Variants in DSCAML1 observed in about 807,000 individuals in gnomAD.
DSCAML1 encodes cell adhesion molecule DSCAML1.
In DSCAML1, 38 loss-of-function variants were observed where a neutral mutation model predicts 200.5. That is an observed-to-expected ratio of 0.19 (90% CI 0.15 to 0.25). The LOEUF is 0.25. Among genes scored for constraint, DSCAML1 ranks in the 10% least tolerant of loss-of-function variants. DSCAML1 has a pLI of 1.00. For synonymous variants in DSCAML1, 1,215 were observed against 1,165.0 expected (o/e 1.04, Z -0.87); for missense variants, 2,223 against 2,858.8 (o/e 0.78, Z 5.07).
rs752473054 is a variant in DSCAML1 at position 117,503,984 on chromosome 11, G to T, written c.2220C>A (p.Leu740=). 6.2e-7 allele frequency: 1 copy of T among 1,614,216 alleles called. No individual in the cohort carries two copies. Among genetic ancestry groups the T allele is most frequent in the South Asian group, 1.1e-5 (1 of 91,082 alleles). ...TGGGCAGGATCTGGATGCGGCCAGT[G>T]AGGGGCACAGGGTGGTACTGCTGGG... is the stretch of plus-strand genomic sequence containing the variant. ...GNPQQYHPVP[L]TGRIQILPNS... The change falls in exon 11 of 33, where the codon CTC becomes CTA. Residue 740 remains leucine (L), a synonymous_variant. Coordinates refer to ENST00000651296, the MANE Select transcript of DSCAML1 (RefSeq NM_020693.4). This position sits in a 1 kb window ranked among gnomAD's most constrained non-coding sequence, Gnocchi z 5.2.
intron 21 of DSCAML1, among the ~76,000 whole-genome samples, chr11:117,441,713 A>G (rs2887176): frequency 0.19 from 28,216 of 151,874 alleles, 3,562 homozygotes; most frequent in East Asian, 0.59. Flanking sequence ...GTTCAGGTGC[A>G]TGGCGTGGGG....
rs539451693 is a variant in DSCAML1, at chr11:117,672,303, T to C, written c.511+104488A>G. Among the ~76,000 whole-genome samples, 44 of 152,070 alleles carry C rather than the reference T, an allele frequency of 2.9e-4. No homozygotes were observed. The East Asian group carries it at 8.3e-3, about 29-fold the overall frequency. On this transcript the variant is annotated intron_variant, in intron 3 of 32. Coordinates refer to ENST00000651296, the MANE Select transcript of DSCAML1 (RefSeq NM_020693.4). The stretch of plus-strand genomic sequence containing the variant: ...ACAGAGGGGCAGGCAGTCCCTGTTG[T>C]ATAATTTGGGGTTGGTATTTGACAT...
intron 3 of DSCAML1, among the ~76,000 whole-genome samples, chr11:117,621,173 G>A (rs2051920351): frequency 6.6e-6 from 1 of 152,200 alleles, no homozygotes; most frequent in Admixed American, 6.5e-5. Context: ...AGTCTTTGCT[G>A]AAAGAAGGCT....
At chr11:117,605,269 T>C (rs1384672811) in intron 3 of DSCAML1, among the ~76,000 whole-genome samples, 3 of 152,104 alleles carry the variant, frequency 2.0e-5, no homozygotes, top group Non-Finnish European at 2.9e-5. Flanking sequence ...ACGGCTGGTC[T>C]GACACACATT....
intron 3 of DSCAML1, among the ~76,000 whole-genome samples, chr11:117,638,559 C>T (rs147530268): frequency 2.0e-5 from 3 of 152,212 alleles, no homozygotes; most frequent in South Asian, 2.1e-4. Context: ...CCCATTCCCC[C>T]GGCACTAATC....
Position 117,797,141 on chromosome 11 carries a change from C to G in DSCAML1, c.-62G>C. 6.3e-7 allele frequency: 1 copy of G among 1,590,350 alleles called. No homozygotes were observed. The highest frequency in any genetic ancestry group is 8.5e-7 in the Non-Finnish European group (1 of 1,169,622). ...TGTGGCCGGCCGTGCGGCAGCGCCT[C>G]TCCCCCGCTCAGCGCGCTCCCAGCC... On this transcript the variant is annotated 5_prime_UTR_variant, in exon 1 of 33. Transcript: ENST00000651296.
rs114063355 is a variant in DSCAML1, at chr11:117,754,973, G to A, written c.511+21818C>T. On this transcript the variant is annotated intron_variant, in intron 3 of 32. Coordinates refer to ENST00000651296, the MANE Select transcript of DSCAML1 (RefSeq NM_020693.4). The stretch of plus-strand genomic sequence containing the variant: ...ATCCCTCCCAATCCATGGGGAACTG[G>A]TTACCCCGGCCACAGACAACCTTCT... Among the ~76,000 whole-genome samples, 928 of 152,210 alleles carry A rather than the reference G, an allele frequency of 6.1e-3. 5 individuals carry two copies. Among genetic ancestry groups the A allele is most frequent in the African/African-American group, 0.02 (814 of 41,526 alleles).
chr11:117,749,016 C>T (rs1265551209), intron 3 of DSCAML1, among the ~76,000 whole-genome samples: 1 of 152,162 alleles, frequency 6.6e-6, no homozygotes, highest in Non-Finnish European at 1.5e-5. Flanking sequence ...GACACACGTG[C>T]CTTGCCTGGC....
intron 3 of DSCAML1, among the ~76,000 whole-genome samples, chr11:117,684,714 A>G (rs1253529600): frequency 6.6e-6 from 1 of 152,252 alleles, no homozygotes; most frequent in Non-Finnish European, 1.5e-5. Context: ...TTTTAAGCCA[A>G]GAATGTAAAA....
At chr11:117,433,586 G>C in intron 27 of DSCAML1, 115 bp from the exon 28 acceptor site, 1 of 1,160,794 alleles carries the variant, frequency 8.6e-7, no homozygotes, top group Non-Finnish European at 1.2e-6. Context: ...GCCAGGGCTG[G>C]TCTCCTAAGA....
At chr11:117,790,144 A>C (rs2055433866) in intron 1 of DSCAML1, among the ~76,000 whole-genome samples, 1 of 152,236 alleles carries the variant, frequency 6.6e-6, no homozygotes, top group Admixed American at 6.5e-5. Context: ...CAGAGTTTTC[A>C]GAGATTCCAG....
intron 3 of DSCAML1, among the ~76,000 whole-genome samples, chr11:117,648,759 C>A (rs2052570828): frequency 6.6e-6 from 1 of 152,212 alleles, no homozygotes; most frequent in African/African-American, 2.4e-5. Context: ...CAGCACCTAA[C>A]CCCAGGCTTT....
chr11:117,571,167 C>A lies in DSCAML1; in HGVS notation c.512-38645G>T, dbSNP rs115426427. On this transcript the variant is annotated intron_variant, in intron 3 of 32. Coordinates refer to ENST00000651296, the MANE Select transcript of DSCAML1 (RefSeq NM_020693.4). ...AGAGGGATCACGCCTGTGCCCAGGG[C>A]CCTCTGCCTCTAGAACAAATGGTTG... is the stretch of plus-strand genomic sequence containing the variant. Among the ~76,000 whole-genome samples the A allele has an allele frequency of 7.1e-3, 1,088 of 152,310 alleles. 5 individuals carry two copies. The highest frequency in any genetic ancestry group is 0.024 in the African/African-American group (984 of 41,570).
intron 1 of DSCAML1, among the ~76,000 whole-genome samples, chr11:117,781,532 G>A (rs993398425): frequency 1.1e-4 from 16 of 152,158 alleles, no homozygotes; most frequent in East Asian, 7.7e-4. Context: ...AATGGAAGAC[G>A]GAAGAGTGCA....
chr11:117,668,164 A>G (rs1242042534), intron 3 of DSCAML1, among the ~76,000 whole-genome samples: 1 of 152,252 alleles, frequency 6.6e-6, no homozygotes, highest in Admixed American at 6.5e-5. Context: ...TATGCCAAGT[A>G]AGGCAGCAGG....
At chr11:117,520,775 G>C (rs2049870783) in intron 6 of DSCAML1, among the ~76,000 whole-genome samples, 1 of 146,076 alleles carries the variant, frequency 6.8e-6, no homozygotes, top group South Asian at 2.1e-4. Context: ...AATAACCTTG[G>C]ACATTAGCAT....
intron 3 of DSCAML1, among the ~76,000 whole-genome samples, chr11:117,563,156 AGGGT>A: frequency 6.6e-6 from 1 of 152,146 alleles, no homozygotes; most frequent in African/African-American, 2.4e-5. Context: ...CCTGGAGTGG[AGGGT>A]GCTTGTAGCT....
chr11:117,704,029 A>C (rs1203217975), intron 3 of DSCAML1, among the ~76,000 whole-genome samples: 2 of 151,998 alleles, frequency 1.3e-5, no homozygotes, highest in African/African-American at 4.8e-5. Flanking sequence ...ATCACCCATG[A>C]GACTCTAAAG....
At chr11:117,445,850 AC>A (rs1442258234) in intron 20 of DSCAML1, among the ~76,000 whole-genome samples, 1 of 152,090 alleles carries the variant, frequency 6.6e-6, no homozygotes, top group African/African-American at 2.4e-5. Context: ...TAACCTGGAC[AC>A]CCCGTGAGTC....
Sources: gnomAD v4.1 joint callset for allele counts (sites outside exome capture counted in the v4.1 genomes callset) on GRCh38, gnomAD v4.1.1 for gene constraint, Gnocchi (gnomAD v3.1) non-coding constraint, MANE v1.5 for transcripts, NCBI Gene and HGNC (gene_info 2026-07-23, HGNC 2026-07-21) for gene names.